Variants in ADK observed in about 807,000 individuals in gnomAD.
ADK encodes N6,N6-dimethyladenosine kinase.
ADK carries 24 observed loss-of-function variants against 44.7 expected under a neutral mutation model. The ratio of observed to expected loss-of-function variants is 0.54; its 90% confidence interval spans 0.39 to 0.76. The LOEUF (loss-of-function observed/expected upper bound fraction) is 0.76. Ranked by LOEUF, ADK falls within the 30% of genes least tolerant of loss-of-function variation. The pLI is 0.00. For synonymous variants in ADK, 128 were observed against 142.6 expected (o/e 0.90, Z 0.73); for missense variants, 321 against 425.1 (o/e 0.76, Z 2.15).
intron 3 of ADK, among the ~76,000 whole-genome samples, chr10:74,238,847 T>A (rs1277830550): frequency 6.8e-6 from 1 of 146,554 alleles, no homozygotes; most frequent in Non-Finnish European, 1.5e-5. Flanking sequence ...ACTGCCACTT[T>A]AGCTAGTGCT....
intron 1 of ADK, among the ~76,000 whole-genome samples, chr10:74,196,269 C>T (rs7087290): frequency 0.74 from 111,887 of 151,688 alleles, 41,927 homozygotes; most frequent in Middle Eastern, 0.85. Context: ...AGGCTGGGTG[C>T]GGTGGCTCAC....
chr10:74,397,949 T>C (rs1044753004), intron 5 of ADK, among the ~76,000 whole-genome samples: 1 of 152,210 alleles, frequency 6.6e-6, no homozygotes, highest in Admixed American at 6.5e-5. Context: ...TTTCAGCCCT[T>C]AGAATGTAAT....
chr10:74,397,704 A>G (rs1198999365), intron 5 of ADK, among the ~76,000 whole-genome samples: 1 of 151,834 alleles, frequency 6.6e-6, no homozygotes, highest in Non-Finnish European at 1.5e-5. Context: ...CCCCCAGCTA[A>G]TTTTTAAAAT....
chr10:74,259,381 G>T (rs1845954307), intron 3 of ADK, among the ~76,000 whole-genome samples: 2 of 151,296 alleles, frequency 1.3e-5, no homozygotes, highest in South Asian at 4.2e-4. Flanking sequence ...TGTTTTCTGT[G>T]ATTGAGGTGG....
chr10:74,245,119 A>G (rs950029481), intron 3 of ADK, among the ~76,000 whole-genome samples: 1 of 152,234 alleles, frequency 6.6e-6, no homozygotes, highest in Non-Finnish European at 1.5e-5. Context: ...ATTAGAGATT[A>G]AACTTGCTTT....
intron 3 of ADK, among the ~76,000 whole-genome samples, chr10:74,275,918 G>A (rs1350484409): frequency 6.6e-6 from 1 of 152,134 alleles, no homozygotes; most frequent in Non-Finnish European, 1.5e-5. Context: ...TGGGATTACA[G>A]GCATGAACCA....
intron 7 of ADK, among the ~76,000 whole-genome samples, chr10:74,577,110 CTGTGTGTGTGTG>C (rs146683037): frequency 3.9e-4 from 53 of 137,418 alleles, no homozygotes; most frequent in East Asian, 1.3e-3. Context: ...TATTATTTCT[CTGTGTGTGTGTG>C]TGTGTGTGTG....
chr10:74,172,175 A>G (rs987004920), intron 1 of ADK, among the ~76,000 whole-genome samples: 3 of 111,792 alleles, frequency 2.7e-5, no homozygotes, highest in Non-Finnish European at 5.4e-5. Context: ...GTCTTGTTCT[A>G]TCTCTCAGGC....
At chr10:74,292,622 G>A (rs1183978674) in intron 3 of ADK, among the ~76,000 whole-genome samples, 1 of 152,136 alleles carries the variant, frequency 6.6e-6, no homozygotes, top group Non-Finnish European at 1.5e-5. Context: ...CTTGATGGCA[G>A]TTTTATCCTT....
intron 6 of ADK, among the ~76,000 whole-genome samples, chr10:74,438,365 C>T (rs886802030): frequency 4.6e-5 from 7 of 151,842 alleles, no homozygotes; most frequent in Non-Finnish European, 8.8e-5. Context: ...GCTGGGATTA[C>T]AGGTGCCTGT....
At chr10:74,240,324 T>C (rs1016845048) in intron 3 of ADK, among the ~76,000 whole-genome samples, 1 of 151,942 alleles carries the variant, frequency 6.6e-6, no homozygotes, top group African/African-American at 2.4e-5. Context: ...TATCAAAATA[T>C]TCCTGGGAAG....
intron 1 of ADK, among the ~76,000 whole-genome samples, chr10:74,180,590 C>T (rs542883782): frequency 2.3e-4 from 34 of 150,540 alleles, no homozygotes; most frequent in African/African-American, 7.5e-4. Context: ...TCTCTAGTAG[C>T]TGGGACTACA....
chr10:74,327,341 G>A (rs1203741253), intron 4 of ADK, among the ~76,000 whole-genome samples: 9 of 152,006 alleles, frequency 5.9e-5, no homozygotes, highest in Admixed American at 1.3e-4. Context: ...TCTAGTTTAT[G>A]CCATTGTGAT....
chr10:74,156,455 CA>C (rs985175643), intron 1 of ADK, among the ~76,000 whole-genome samples: 29 of 152,200 alleles, frequency 1.9e-4, no homozygotes, highest in African/African-American at 6.7e-4. Flanking sequence ...CCTAGCTCTA[CA>C]AAAATAAACT....
chr10:74,449,504 G>A (rs968220440), intron 6 of ADK, among the ~76,000 whole-genome samples: 3 of 152,018 alleles, frequency 2.0e-5, no homozygotes, highest in African/African-American at 7.2e-5. Flanking sequence ...GAAAGTTCAG[G>A]GCATTTTGGT....
chr10:74,550,033 A>G (rs1411324316), intron 7 of ADK, among the ~76,000 whole-genome samples: 1 of 151,248 alleles, frequency 6.6e-6, no homozygotes, highest in Admixed American at 6.6e-5. Context: ...GAGCTTTGAT[A>G]ACCATTGTCA....
chr10:74,313,996 T>C (rs1840533971), intron 3 of ADK, among the ~76,000 whole-genome samples: 1 of 149,528 alleles, frequency 6.7e-6, no homozygotes, highest in South Asian at 2.1e-4. Flanking sequence ...ACAGAAACTG[T>C]GTCATTCTCT....
chr10:74,319,639 TAAC>T (rs1299615259), intron 4 of ADK, among the ~76,000 whole-genome samples: 1 of 152,236 alleles, frequency 6.6e-6, no homozygotes, highest in Non-Finnish European at 1.5e-5. Context: ...ATTCAGCCGA[TAAC>T]AACTATGTGT....
At chr10:74,448,141 C>T (rs1265933883) in intron 6 of ADK, among the ~76,000 whole-genome samples, 1 of 151,520 alleles carries the variant, frequency 6.6e-6, no homozygotes, top group African/African-American at 2.4e-5. Context: ...CCACTGCACT[C>T]CAGCCTAGGC....
Sources: gnomAD v4.1 joint callset for allele counts (sites outside exome capture counted in the v4.1 genomes callset) on GRCh38, gnomAD v4.1.1 for gene constraint, MANE v1.5 for transcripts, NCBI Gene and HGNC (gene_info 2026-07-23, HGNC 2026-07-21) for gene names.